The following PCDHA7 variants were observed in gnomAD, a reference collection of about 807,000 sequenced individuals.
PCDHA7 encodes the protein protocadherin alpha-7.
A neutral mutation model predicts 57.2 loss-of-function variants in PCDHA7; 37 were observed. The ratio of observed to expected loss-of-function variants is 0.65; its 90% CI spans 0.50 to 0.85. The LOEUF is 0.85. Among genes scored for constraint, PCDHA7 ranks in the 40% least tolerant of loss-of-function variants. The probability of loss-of-function intolerance (pLI) is 0.00; values close to 1 mark genes in which losing one functional copy is unlikely to be tolerated. For synonymous variants in PCDHA7, 553 were observed against 558.8 expected, an observed-to-expected ratio of 0.99 and a Z score of 0.15; for missense variants, 1,188 against 1,241.8, an observed-to-expected ratio of 0.96 and a Z score of 0.65.
chr5:140,850,382 C>T (rs2150481725), intron 1 of PCDHA7: 2 of 1,597,874 alleles, frequency 1.3e-6, no homozygotes, highest in East Asian at 2.2e-5. Context: ...TGTACACGGG[C>T]GAGATCAGCA....
chr5:140,859,066 G>A (rs949613185), intron 1 of PCDHA7: 1 of 150,848 alleles, frequency 6.6e-6, no homozygotes, highest in Non-Finnish European at 1.5e-5. Flanking sequence ...TATTTTAGTT[G>A]TAGTGGTACC....
At chr5:140,957,134 T>C (rs2095335911) in intron 1 of PCDHA7, among the ~76,000 whole-genome samples, 1 of 152,210 alleles carries the variant, frequency 6.6e-6, no homozygotes, top group Admixed American at 6.5e-5. Flanking sequence ...TACTACACTA[T>C]GAACTAAAAA....
chr5:140,967,487 G>C, intron 1 of PCDHA7: 8 of 1,613,290 alleles, frequency 5.0e-6, no homozygotes, highest in Non-Finnish European at 6.8e-6. Context: ...CTCGGGTACG[G>C]CACAGATCTC....
At chr5:140,968,288 C>A in intron 1 of PCDHA7, 1 of 1,613,976 alleles carries the variant, frequency 6.2e-7, no homozygotes, top group Non-Finnish European at 8.5e-7. Context: ...GACCTACTCC[C>A]TTCTGGAGAG....
At chr5:140,963,631 G>A (rs1168776991) in intron 1 of PCDHA7, among the ~76,000 whole-genome samples, 2 of 152,144 alleles carry the variant, frequency 1.3e-5, no homozygotes, top group African/African-American at 2.4e-5. Flanking sequence ...TGTTGCATAC[G>A]CATCTTCCCT....
intron 1 of PCDHA7, among the ~76,000 whole-genome samples, chr5:140,900,279 C>A (rs2067883641): frequency 6.6e-6 from 1 of 151,672 alleles, no homozygotes. Flanking sequence ...ATGTACCACA[C>A]TTTCTTTTCT....
intron 1 of PCDHA7, among the ~76,000 whole-genome samples, chr5:140,901,420 C>G (rs2153473414): frequency 6.6e-6 from 1 of 152,248 alleles, no homozygotes; most frequent in East Asian, 1.9e-4. Context: ...TAGTTTCATT[C>G]CTCTGCATAT....
At chr5:140,876,616 A>C (rs2056459535) in intron 1 of PCDHA7, 1 of 1,614,196 alleles carries the variant, frequency 6.2e-7, no homozygotes, top group Non-Finnish European at 8.5e-7. Flanking sequence ...CTCTGGAGCC[A>C]ATGGACAGGT....
In PCDHA7 at chr5:140,842,325, C is replaced by G. The variant is rs2150334161; in HGVS notation, c.2355+5587C>G. On this transcript the variant is annotated intron_variant, in intron 1 of 3. Coordinates refer to ENST00000525929, the MANE Select transcript of PCDHA7 (RefSeq NM_018910.3). ...CATCCTCCCATGGCGGGTCATTGCA[C>G]CGTTTTAGTGAGAATTTTGGATAAA... 1.9e-5 allele frequency: 31 copies of G among 1,606,978 alleles called. No individual in the cohort carries two copies. In the South Asian group the frequency reaches 3.1e-4, roughly 16 times the overall value.
In PCDHA7 at chr5:140,856,743, T is replaced by C. The variant is rs17844341; in HGVS notation, c.2355+20005T>C. On this transcript the variant is annotated intron_variant, in intron 1 of 3. Transcript: ENST00000525929. Reference sequence around the variant, plus strand: ...TCTGTTTCTCTGCTGATCCTGGTGTTAGATGCCAATGATAACGCCCCTATC... The same window carrying C: ...TCTGTTTCTCTGCTGATCCTGGTGTCAGATGCCAATGATAACGCCCCTATC... 190 of 1,596,776 alleles carry C rather than the reference T, an allele frequency of 1.2e-4. 4 individuals are homozygous for C. In the East Asian group the frequency reaches 4.1e-3, roughly 35 times the overall value.
chr5:140,882,771 T>C (rs148644909), intron 1 of PCDHA7: 19 of 1,614,110 alleles, frequency 1.2e-5, no homozygotes, highest in Non-Finnish European at 1.6e-5. Context: ...AACTCGGCAT[T>C]GACCTACCGA....
chr5:141,000,393 CTCTATATA>C (rs1486021873), intron 3 of PCDHA7, among the ~76,000 whole-genome samples: 100 of 52,828 alleles, frequency 1.9e-3, no homozygotes, highest in Middle Eastern at 0.012. Context: ...CTCTCTCTCT[CTCTATATA>C]TATATATATA....
chr5:140,891,123 T>G (rs2153433075), intron 1 of PCDHA7, among the ~76,000 whole-genome samples: 1 of 152,342 alleles, frequency 6.6e-6, no homozygotes, highest in East Asian at 1.9e-4. Context: ...AATCTAAATG[T>G]CATTCCTTTA....
chr5:140,843,178 C>A (rs2150354589), intron 1 of PCDHA7: 1 of 1,596,102 alleles, frequency 6.3e-7, no homozygotes, highest in East Asian at 2.2e-5. Flanking sequence ...GCAGCCCTCG[C>A]ATCCCGTTCC....
At chr5:140,900,192 A>G (rs1280412667) in intron 1 of PCDHA7, among the ~76,000 whole-genome samples, 2 of 152,186 alleles carry the variant, frequency 1.3e-5, no homozygotes, top group African/African-American at 2.4e-5. Flanking sequence ...ACTTATAATG[A>G]CATCCAGTTT....
At chr5:140,924,681 G>T (rs558083953) in intron 1 of PCDHA7, among the ~76,000 whole-genome samples, 1 of 152,180 alleles carries the variant, frequency 6.6e-6, no homozygotes, top group East Asian at 1.9e-4. Flanking sequence ...AATCACTTGA[G>T]GTCAGGAGTT....
chr5:140,917,370 C>G (rs571895312), intron 1 of PCDHA7, among the ~76,000 whole-genome samples: 24 of 150,458 alleles, frequency 1.6e-4, no homozygotes, highest in African/African-American at 5.8e-4. Context: ...CTATCTTGCT[C>G]CACCTCAATA....
chr5:140,995,674 A>G (rs1205485736), intron 3 of PCDHA7, among the ~76,000 whole-genome samples: 2 of 151,994 alleles, frequency 1.3e-5, no homozygotes, highest in East Asian at 3.9e-4. Flanking sequence ...TAAATGCAGC[A>G]TTTTTTTTAA....
rs577838197 is a variant in PCDHA7, at chr5:140,982,551, A to G, written c.2491A>G (p.Ser831Gly). 28 of 1,614,198 alleles carry G rather than the reference A, an allele frequency of 1.7e-5. No individual in the cohort carries two copies. Among genetic ancestry groups the G allele is most frequent in the South Asian group, 1.2e-4 (11 of 91,088 alleles). The change falls in exon 3 of 4, where the codon AGT (serine) becomes GGT (glycine). Residue 831 changes from serine (S) to glycine (G), a missense_variant. Coordinates refer to ENST00000525929, the MANE Select transcript of PCDHA7 (RefSeq NM_018910.3). ...GPDQQWPTVS[S>G]ATPEPEAGEV... is the part of the protein sequence containing the mutation. ...TGATCAGCAGTGGCCAACAGTATCC[A>G]GTGCAACACCAGGTAAAGAGCTGGG... is the stretch of plus-strand genomic sequence containing the variant.
Sources: allele counts gnomAD v4.1 joint callset (sites outside exome capture counted in the v4.1 genomes callset), GRCh38; gene constraint gnomAD v4.1.1; transcripts MANE v1.5; gene names NCBI Gene and HGNC (gene_info 2026-07-23, HGNC 2026-07-21).